FHIT: variants seen among roughly 807,000 people sequenced by gnomAD.
The protein encoded by FHIT is bis(5'-adenosyl)-triphosphatase.
A neutral mutation model predicts 17.9 loss-of-function variants in FHIT; 19 were observed. That is an observed-to-expected ratio of 1.06 (90% CI 0.74 to 1.56). The LOEUF is 1.56. FHIT is among the 40% of genes most tolerant of loss of function. FHIT has a pLI of 0.00. For missense variants in FHIT, 248 were observed against 189.2 expected (o/e 1.31, Z -1.82); for synonymous variants, 81 against 69.7 (o/e 1.16, Z -0.81).
chr3:61,241,510 G>A (rs568163661), intron 1 of FHIT, among the ~76,000 whole-genome samples: 1 of 152,298 alleles, frequency 6.6e-6, no homozygotes, highest in East Asian at 1.9e-4. Context: ...ACAGACTTCA[G>A]TGATTAAATG....
intron 3 of FHIT, among the ~76,000 whole-genome samples, chr3:60,928,579 C>A (rs1707779674): frequency 6.7e-6 from 1 of 148,552 alleles, no homozygotes; most frequent in Non-Finnish European, 1.5e-5. Flanking sequence ...TAAATAAATC[C>A]TATTTTTAAA....
intron 4 of FHIT, among the ~76,000 whole-genome samples, chr3:60,558,138 G>A (rs755315209): frequency 5.9e-5 from 9 of 151,950 alleles, no homozygotes; most frequent in African/African-American, 1.2e-4. Context: ...TTTGTGTATC[G>A]CAAAGCCTGT....
chr3:60,015,352 G>C (rs1436456988), intron 5 of FHIT, among the ~76,000 whole-genome samples: 1 of 152,092 alleles, frequency 6.6e-6, no homozygotes, highest in Non-Finnish European at 1.5e-5. Context: ...TCATGTCAAT[G>C]GTAAACTAGG....
intron 7 of FHIT, among the ~76,000 whole-genome samples, chr3:60,000,265 G>A (rs1699677070): frequency 1.3e-5 from 2 of 152,224 alleles, no homozygotes; most frequent in African/African-American, 4.8e-5. Context: ...TACTGTGGCA[G>A]AGACAACTGA....
chr3:61,095,796 A>T (rs1431562474), intron 2 of FHIT, among the ~76,000 whole-genome samples: 2 of 152,194 alleles, frequency 1.3e-5, no homozygotes, highest in Non-Finnish European at 2.9e-5. Context: ...CACTCCTGCA[A>T]GGCAGAGAGC....
At chr3:60,997,179 C>T (rs2030733232) in intron 3 of FHIT, among the ~76,000 whole-genome samples, 1 of 152,134 alleles carries the variant, frequency 6.6e-6, no homozygotes, top group Non-Finnish European at 1.5e-5. Flanking sequence ...CCTGGCTAGA[C>T]TTTGGGGATG....
At chr3:61,036,778 C>A (rs1189813779) in intron 3 of FHIT, among the ~76,000 whole-genome samples, 3 of 152,112 alleles carry the variant, frequency 2.0e-5, no homozygotes, top group African/African-American at 7.2e-5. Flanking sequence ...TCACACTGGT[C>A]ATGGAGGTGG....
At chr3:60,129,056 T>G (rs1559658764) in intron 5 of FHIT, among the ~76,000 whole-genome samples, 2 of 144,686 alleles carry the variant, frequency 1.4e-5, no homozygotes, top group African/African-American at 5.2e-5. Flanking sequence ...TTTGTTTGTT[T>G]TTTTTTTTTT....
intron 3 of FHIT, among the ~76,000 whole-genome samples, chr3:60,951,320 T>C (rs1338003787): frequency 6.6e-6 from 1 of 152,186 alleles, no homozygotes; most frequent in Non-Finnish European, 1.5e-5. Context: ...TTAACATTAT[T>C]AATATTTTCA....
chr3:60,489,675 A>C (rs1041062828), intron 5 of FHIT, among the ~76,000 whole-genome samples: 4 of 152,200 alleles, frequency 2.6e-5, no homozygotes, highest in Admixed American at 2.6e-4. Flanking sequence ...TAGAATAACA[A>C]GTTTTTGAAC....
At chr3:60,554,505 G>T (rs889545578) in intron 4 of FHIT, among the ~76,000 whole-genome samples, 3 of 152,068 alleles carry the variant, frequency 2.0e-5, no homozygotes, top group Non-Finnish European at 4.4e-5. Context: ...GACATATTGG[G>T]ACATCAACTC....
At chr3:60,032,469 T>TA (rs1190357287) in intron 5 of FHIT, among the ~76,000 whole-genome samples, 2 of 151,090 alleles carry the variant, frequency 1.3e-5, no homozygotes, top group Non-Finnish European at 2.9e-5. Context: ...ATAATAAAAA[T>TA]AAAAAATAAA....
chr3:60,270,150 C>T (rs551145172), intron 5 of FHIT, among the ~76,000 whole-genome samples: 1 of 152,256 alleles, frequency 6.6e-6, no homozygotes, highest in South Asian at 2.1e-4. Flanking sequence ...GACAGAGACT[C>T]AGTGGTCTAA....
chr3:60,032,452 G>GA (rs66997198), intron 5 of FHIT, among the ~76,000 whole-genome samples: 105,359 of 151,306 alleles, frequency 0.7, 37,345 homozygotes, highest in Middle Eastern at 0.83. Flanking sequence ...ACCGTACCTT[G>GA]AAAAAAATAA....
At chr3:60,123,967 AATATATATAT>A (rs1176212050) in intron 5 of FHIT, among the ~76,000 whole-genome samples, 381 of 27,672 alleles carry the variant, frequency 0.014, 12 homozygotes, top group Middle Eastern at 0.048. Flanking sequence ...ATGCACTAAA[AATATATATAT>A]ATATATATAT....
intron 1 of FHIT, among the ~76,000 whole-genome samples, chr3:61,216,242 C>G (rs963112937): frequency 2.0e-5 from 3 of 152,194 alleles, no homozygotes; most frequent in African/African-American, 7.2e-5. Context: ...GCAACCTACT[C>G]ATTTGACAAA....
chr3:60,038,371 AATG>A (rs1701307753), intron 5 of FHIT, among the ~76,000 whole-genome samples: 1 of 152,224 alleles, frequency 6.6e-6, no homozygotes, highest in African/African-American at 2.4e-5. Context: ...TATTAGGAAT[AATG>A]TTATATATTT....
At chr3:60,284,660 C>T (rs1037728372) in intron 5 of FHIT, among the ~76,000 whole-genome samples, 2 of 151,994 alleles carry the variant, frequency 1.3e-5, no homozygotes, top group Non-Finnish European at 2.9e-5. Context: ...TGAGACATTC[C>T]CATTTTTTTA....
chr3:61,041,699 C>T (rs2033526281), intron 3 of FHIT, among the ~76,000 whole-genome samples: 4 of 149,070 alleles, frequency 2.7e-5, no homozygotes, highest in Admixed American at 2.7e-4. Context: ...AAAAAAAAAT[C>T]CGCTCAACTC....
Sources: gnomAD v4.1 joint callset for allele counts (sites outside exome capture counted in the v4.1 genomes callset) on GRCh38, gnomAD v4.1.1 for gene constraint, MANE v1.5 for transcripts, NCBI Gene and HGNC (gene_info 2026-07-23, HGNC 2026-07-21) for gene names.